PHOX2A: variants seen among roughly 807,000 people sequenced by gnomAD.
PHOX2A encodes the protein paired mesoderm homeobox protein 2A.
PHOX2A carries 10 observed loss-of-function variants against 16.4 expected under a neutral mutation model. The ratio of observed to expected loss-of-function variants is 0.61; its 90% CI spans 0.38 to 1.04. The LOEUF is 1.04. Among genes scored for constraint, PHOX2A ranks in the 50% least tolerant of loss-of-function variants. The probability of loss-of-function intolerance (pLI) is 0.01; values close to 1 mark genes in which losing one functional copy is unlikely to be tolerated. For missense variants in PHOX2A, 361 were observed against 419.4 expected (o/e 0.86, Z 1.22); for synonymous variants, 219 against 203.8 (o/e 1.07, Z -0.64).
At position 72,244,028 on chromosome 11, in the gene PHOX2A, G is replaced by T. The variant is rs752864269; in HGVS notation, c.-24C>A. ...ATCGGCCCGGGGGGCGGGGGCGGGGGCCGGGCCAGGCCGGGTCGGGGTCGG... is the reference window on the plus strand; with the variant it reads ...ATCGGCCCGGGGGGCGGGGGCGGGGTCCGGGCCAGGCCGGGTCGGGGTCGG... On this transcript the variant is annotated 5_prime_UTR_variant, in exon 1 of 3. Coordinates refer to ENST00000298231, the MANE Select transcript of PHOX2A (RefSeq NM_005169.4). The T allele has an allele frequency of 1.2e-5, 13 of 1,068,864 alleles. No individual in the cohort carries two copies. In the East Asian group the frequency reaches 3.3e-4, roughly 27 times the overall value. 66.2% of individuals were successfully genotyped at this position (1,068,864 alleles called of 1,614,324 possible).
chr11:72,240,289 C>A (rs1590727176), intron 2 of PHOX2A, 91 bp from the exon 3 acceptor site: 3 of 1,483,110 alleles, frequency 2.0e-6, no homozygotes, highest in East Asian at 2.6e-5. Flanking sequence ...GATCCTGGTT[C>A]GGAAAGAACC....
rs749817345 is a variant in PHOX2A at position 72,240,104 on chromosome 11, T to C, written c.500A>G (p.Glu167Gly). ...AAGAAGAKKG[E>G]ARCSSEDDDS... ...GTCGTCCTCGGAGGAGCAGCGCGCC[T>C]CGCCCTTTTTGGCGCCCGCCGCGCC... Residue 167 changes from glutamate to glycine, a missense_variant, in exon 3 of 3, where the codon GAG (glutamate) becomes GGG (glycine). Glu to Gly is a moderately conservative substitution (Grantham distance 98). Coordinates refer to ENST00000298231, the MANE Select transcript of PHOX2A (RefSeq NM_005169.4). 3 of 1,531,524 alleles carry C rather than the reference T, an allele frequency of 2.0e-6. No individual in the cohort carries two copies. The highest frequency in any genetic ancestry group is 2.6e-6 in the Non-Finnish European group (3 of 1,144,076). The allele number at this position is 1,531,524 out of a possible 1,614,324, so 94.9% of individuals were successfully genotyped here. A position where few individuals can be genotyped will look rare whatever the true frequency, so the allele number is the denominator to read the frequency against.
chr11:72,241,210 G>A lies in PHOX2A; in HGVS notation c.297C>T (p.Ser99=). 6.2e-7 allele frequency: 1 copy of A among 1,613,804 alleles called. No individual in the cohort carries two copies. The highest frequency in any genetic ancestry group is 2.2e-5 in the East Asian group (1 of 44,868). Residue 99 remains serine (S), a synonymous_variant, in exon 2 of 3, where the codon AGC becomes AGT. Coordinates refer to ENST00000298231, the MANE Select transcript of PHOX2A (RefSeq NM_005169.4). ...CGCGCTCCAGCTCCTTGAGCTGCGC[G>A]CTGGTGAACGTGGTGCGGATGCGCC... ...KQRRIRTTFT[S]AQLKELERVF...
At position 72,241,427 on chromosome 11, in the gene PHOX2A, G is replaced by T. The variant is rs566213946; in HGVS notation, c.218-138C>A. ...TGGCCTGATCCCTCGTCTTGGTCCC[G>T]GCAGCCTGGGGCCGAGCGTCCTCCC... On this transcript the variant is annotated intron_variant, in intron 1 of 2. Coordinates refer to ENST00000298231, the MANE Select transcript of PHOX2A (RefSeq NM_005169.4). 8.0e-6 allele frequency: 5 copies of T among 621,688 alleles called. No homozygotes were observed. In the African/African-American group the frequency reaches 9.2e-5, roughly 11 times the overall value. 38.5% of individuals were successfully genotyped at this position (621,688 alleles called of 1,614,324 possible).
At chr11:72,241,573 C>T (rs1949122630) in intron 1 of PHOX2A, among the ~76,000 whole-genome samples, 1 of 148,328 alleles carries the variant, frequency 6.7e-6, no homozygotes, top group Non-Finnish European at 1.5e-5. Flanking sequence ...TCCCCCACCC[C>T]ACCCCCGTCG....
chr11:72,241,170 G>T lies in PHOX2A; in HGVS notation c.337C>A (p.His113Asn). ...KELERVFAETHYPDIYTREEL... is the reference protein window; with the variant it reads ...KELERVFAETNYPDIYTREEL... ...TCACGCGTGTAAATGTCGGGGTAGT[G>T]GGTCTCAGCGAAAACGCGCTCCAGC... The change falls in exon 2 of 3, where the codon CAC becomes AAC. Residue 113 changes from histidine to asparagine, a missense_variant. Transcript: ENST00000298231. 6.2e-7 allele frequency: 1 copy of T among 1,613,996 alleles called. No homozygotes were observed. Among genetic ancestry groups the T allele is most frequent in the Non-Finnish European group, 8.5e-7 (1 of 1,180,034 alleles).
At chr11:72,240,578 A>T (rs1308075700) in intron 2 of PHOX2A, among the ~76,000 whole-genome samples, 1 of 152,214 alleles carries the variant, frequency 6.6e-6, no homozygotes, top group Non-Finnish European at 1.5e-5. Flanking sequence ...TTAGGGCGCC[A>T]GTAAACCTTT....
intron 1 of PHOX2A, among the ~76,000 whole-genome samples, chr11:72,241,658 CCTGT>C (rs923764223): frequency 1.5e-4 from 22 of 150,724 alleles, no homozygotes; most frequent in African/African-American, 5.4e-4. Context: ...ACCCTTCCCT[CCTGT>C]CTGTCTCTCA....
intron 1 of PHOX2A, among the ~76,000 whole-genome samples, chr11:72,243,429 A>G (rs1437729011): frequency 1.3e-5 from 2 of 151,908 alleles, no homozygotes; most frequent in South Asian, 2.1e-4. Flanking sequence ...AAGTGGTGAT[A>G]GGGCTGGGCT....
At position 72,239,860 on chromosome 11, in the gene PHOX2A, G is replaced by A. The variant is rs1054364970; in HGVS notation, c.744C>T (p.Ala248=). 1 of 1,377,650 alleles carries A rather than the reference G, an allele frequency of 7.3e-7. No individual in the cohort carries two copies. The allele number at this position is 1,377,650 out of a possible 1,614,324, so 85.3% of individuals were successfully genotyped here. The change falls in exon 3 of 3, where the codon GCC becomes GCT. Residue 248 remains alanine (A), a synonymous_variant. Coordinates refer to ENST00000298231, the MANE Select transcript of PHOX2A (RefSeq NM_005169.4). ...GGGGGPGAGA[A]ELLKAWQPAE... is the part of the protein sequence containing the mutation. ...CCGGCTGCCAAGCCTTAAGTAGTTC[G>A]GCCGCTCCCGCGCCAGGCCCGCCGC...
At position 72,244,046 on chromosome 11, in the gene PHOX2A, G is replaced by A; in HGVS notation, c.-42C>T. ...GGCGGGGGCCGGGCCAGGCCGGGTC[G>A]GGGTCGGGGTCCGGGTGGAGGTCGG... is the stretch of plus-strand genomic sequence containing the variant. On this transcript the variant is annotated 5_prime_UTR_variant, in exon 1 of 3. Coordinates refer to ENST00000298231, the MANE Select transcript of PHOX2A (RefSeq NM_005169.4). 2.9e-6 allele frequency: 3 copies of A among 1,022,482 alleles called. No individual in the cohort carries two copies. Among genetic ancestry groups the A allele is most frequent in the Non-Finnish European group, 2.5e-6 (2 of 788,542 alleles). 63.3% of individuals were successfully genotyped at this position (1,022,482 alleles called of 1,614,324 possible). A position where few individuals can be genotyped will look rare whatever the true frequency, so the allele number is the denominator to read the frequency against.
intron 1 of PHOX2A, among the ~76,000 whole-genome samples, chr11:72,243,523 C>T (rs1365214976): frequency 6.6e-6 from 1 of 152,042 alleles, no homozygotes; most frequent in Non-Finnish European, 1.5e-5. Flanking sequence ...TGGTAAGGGG[C>T]CCAGAGCTGG....
chr11:72,243,894 G>C lies in PHOX2A; in HGVS notation c.111C>G (p.Pro37=), dbSNP rs1260502343. The C allele has an allele frequency of 6.6e-5, 85 of 1,289,436 alleles. No individual in the cohort carries two copies. Among genetic ancestry groups the C allele is most frequent in the Non-Finnish European group, 8.1e-5 (82 of 1,013,374 alleles). 79.9% of individuals were successfully genotyped at this position (1,289,436 alleles called of 1,614,324 possible). ...CSQPGGFQYS[P]LRPAFPAAGP... is the part of the protein sequence containing the mutation. ...CTGCCGCGGGGAAAGCGGGCCGCAG[G>C]GGGCTGTATTGGAAGCCGCCGGGCT... is the stretch of plus-strand genomic sequence containing the variant. Residue 37 remains proline (P), a synonymous_variant, in exon 1 of 3, where the codon CCC becomes CCG. Coordinates refer to ENST00000298231, the MANE Select transcript of PHOX2A (RefSeq NM_005169.4).
Position 72,239,759 on chromosome 11 carries a change from T to C in PHOX2A, c.845A>G (p.Asn282Ser), listed in dbSNP as rs576149067. The change falls in exon 3 of 3, where the codon AAT (asparagine) becomes AGT (serine). Residue 282 changes from asparagine to serine, a missense_variant. By Grantham distance (46) the Asn-to-Ser change is conservative (BLOSUM62 1). Transcript: ENST00000298231. ...HRKPGPALKTNLF is the reference protein window; with the variant it reads ...HRKPGPALKTSLF Reference sequence around the variant, plus strand: ...TCCAGAGGCCGGCAGCTAGAAGAGATTGGTCTTCAGGGCGGGGCCGGGCTT... The same window carrying C: ...TCCAGAGGCCGGCAGCTAGAAGAGACTGGTCTTCAGGGCGGGGCCGGGCTT... 48 of 1,316,062 alleles carry C rather than the reference T, an allele frequency of 3.6e-5. No homozygotes were observed. The highest frequency in any genetic ancestry group is 2.3e-4 in the Middle Eastern group (1 of 4,436). The allele number at this position is 1,316,062 out of a possible 1,614,324, so 81.5% of individuals were successfully genotyped here.
intron 1 of PHOX2A, among the ~76,000 whole-genome samples, chr11:72,242,937 G>A (rs1483205241): frequency 1.3e-5 from 2 of 152,082 alleles, no homozygotes; most frequent in Admixed American, 1.3e-4. Flanking sequence ...AAAGTGCTGG[G>A]ATTACAGGCA....
At chr11:72,242,402 C>T (rs1023470181) in intron 1 of PHOX2A, among the ~76,000 whole-genome samples, 1 of 152,120 alleles carries the variant, frequency 6.6e-6, no homozygotes, top group Non-Finnish European at 1.5e-5. Flanking sequence ...CTCTATCTCC[C>T]CAACCCTGAG....
intron 2 of PHOX2A, among the ~76,000 whole-genome samples, chr11:72,240,464 G>A (rs935764500): frequency 6.6e-6 from 1 of 152,226 alleles, no homozygotes; most frequent in Non-Finnish European, 1.5e-5. Context: ...TCCCGGAGGG[G>A]ACCCTGCCTT....
At position 72,241,292 on chromosome 11, in the gene PHOX2A, G is replaced by A. The variant is rs1398838573; in HGVS notation, c.218-3C>T. 2 of 1,573,634 alleles carry A rather than the reference G, an allele frequency of 1.3e-6. No individual in the cohort carries two copies. The highest frequency in any genetic ancestry group is 1.7e-5 in the Admixed American group (1 of 58,222). On this transcript the variant is annotated splice_region_variant and splice_polypyrimidine_tract_variant and intron_variant, in intron 1 of 2. Transcript: ENST00000298231. Reference sequence around the variant, plus strand: ...CTCTGGGAAGAACTTGTAGGGCACTGCGGGTGTGTGCAGGGGGGCCGGGGG... The same window carrying A: ...CTCTGGGAAGAACTTGTAGGGCACTACGGGTGTGTGCAGGGGGGCCGGGGG...
chr11:72,241,312 C>CGTGGGGGGGGGGGCGG, intron 1 of PHOX2A, 23 bp from the exon 2 acceptor site: 1 of 399,392 alleles, frequency 2.5e-6, no homozygotes, highest in Non-Finnish European at 3.9e-6. Flanking sequence ...GCAGGGGGGC[C>CGTGGGGGGGGGGGCGG]GGGGGGGGGG....
Sources: gnomAD v4.1 joint callset for allele counts (sites outside exome capture counted in the v4.1 genomes callset) on GRCh38, gnomAD v4.1.1 for gene constraint, MANE v1.5 for transcripts, NCBI Gene and HGNC (gene_info 2026-07-23, HGNC 2026-07-21) for gene names.